FHIT: variants seen among roughly 807,000 people sequenced by gnomAD.
The protein encoded by FHIT is bis(5'-adenosyl)-triphosphatase.
FHIT carries 19 observed loss-of-function variants against 17.9 expected under a neutral mutation model. The observed-to-expected ratio is 1.06, with a 90% CI of 0.74 to 1.56. The LOEUF is 1.56. FHIT is among the 40% of genes most tolerant of loss of function. The pLI is 0.00. For missense variants in FHIT, 248 were observed against 189.2 expected (o/e 1.31, Z -1.82); for synonymous variants, 81 against 69.7 (o/e 1.16, Z -0.81).
chr3:60,696,367 T>C (rs567485115), intron 4 of FHIT, among the ~76,000 whole-genome samples: 46 of 152,272 alleles, frequency 3.0e-4, no homozygotes, highest in Middle Eastern at 3.4e-3. Context: ...TAAACAAAAA[T>C]CTCAATAATT....
At chr3:60,481,011 G>A (rs116687889) in intron 5 of FHIT, among the ~76,000 whole-genome samples, 1,886 of 152,312 alleles carry the variant, frequency 0.012, 35 homozygotes, top group African/African-American at 0.043. Context: ...CCTAGCAGAG[G>A]TTTTCCATGA....
At chr3:60,211,004 T>C (rs1263650848) in intron 5 of FHIT, among the ~76,000 whole-genome samples, 1 of 127,984 alleles carries the variant, frequency 7.8e-6, no homozygotes. Context: ...AAAATGTTTA[T>C]AAATAGGGGA....
intron 2 of FHIT, among the ~76,000 whole-genome samples, chr3:61,150,633 T>TAGC (rs1354849919): frequency 1.1e-4 from 16 of 152,220 alleles, no homozygotes; most frequent in Admixed American, 3.3e-4. Context: ...TTTTACATAA[T>TAGC]AGCTTAAAGT....
intron 4 of FHIT, among the ~76,000 whole-genome samples, chr3:60,575,325 G>A (rs1048884161): frequency 1.1e-4 from 16 of 152,132 alleles, no homozygotes; most frequent in African/African-American, 3.9e-4. Context: ...AATTAGAAAT[G>A]TAAGCTGAGC....
chr3:60,591,829 T>C (rs2038096002), intron 4 of FHIT, among the ~76,000 whole-genome samples: 1 of 152,092 alleles, frequency 6.6e-6, no homozygotes, highest in African/African-American at 2.4e-5. Context: ...GAGAATTGTC[T>C]GGCTCTACCT....
intron 5 of FHIT, among the ~76,000 whole-genome samples, chr3:60,417,464 T>G (rs995214964): frequency 9.8e-5 from 15 of 152,302 alleles, no homozygotes; most frequent in Admixed American, 3.9e-4. Flanking sequence ...CATAAATGTT[T>G]GGATTTGTCT....
intron 5 of FHIT, among the ~76,000 whole-genome samples, chr3:60,314,813 G>A (rs919961788): frequency 1.1e-4 from 16 of 152,170 alleles, no homozygotes; most frequent in East Asian, 7.7e-4. Flanking sequence ...GGCTGGGTGC[G>A]GTGGCTCATG....
At chr3:61,091,936 TAAAAAAAA>T (rs58005720) in intron 2 of FHIT, among the ~76,000 whole-genome samples, 1 of 61,274 alleles carries the variant, frequency 1.6e-5, no homozygotes, top group Non-Finnish European at 2.8e-5. Context: ...AGACCTTGTC[TAAAAAAAA>T]AAAAAAAAAA....
At chr3:60,864,497 C>T (rs1704075325) in intron 3 of FHIT, among the ~76,000 whole-genome samples, 1 of 151,928 alleles carries the variant, frequency 6.6e-6, no homozygotes, top group African/African-American at 2.4e-5. Context: ...ATACCTTCAT[C>T]AAGAAAAGGA....
chr3:60,438,466 C>G (rs1008827558), intron 5 of FHIT, among the ~76,000 whole-genome samples: 1 of 152,044 alleles, frequency 6.6e-6, no homozygotes, highest in Admixed American at 6.6e-5. Context: ...AGCAGCCCAC[C>G]CTGAATTCTC....
intron 8 of FHIT, among the ~76,000 whole-genome samples, chr3:59,775,036 A>G (rs1401130666): frequency 2.6e-5 from 4 of 152,222 alleles, no homozygotes; most frequent in African/African-American, 7.2e-5. Context: ...TCATAGGCAC[A>G]TTAAGGTTTG....
chr3:60,227,799 C>T (rs1232318445), intron 5 of FHIT, among the ~76,000 whole-genome samples: 1 of 152,166 alleles, frequency 6.6e-6, no homozygotes, highest in Non-Finnish European at 1.5e-5. Flanking sequence ...CCCCACATGG[C>T]TTCCAACTCC....
At chr3:60,682,125 C>G (rs1323082899) in intron 4 of FHIT, among the ~76,000 whole-genome samples, 2 of 152,138 alleles carry the variant, frequency 1.3e-5, no homozygotes, top group Non-Finnish European at 2.9e-5. Context: ...GTGCCCACCA[C>G]TACGCCCTGC....
chr3:60,424,466 G>C (rs886686460), intron 5 of FHIT, among the ~76,000 whole-genome samples: 2 of 152,104 alleles, frequency 1.3e-5, no homozygotes, highest in African/African-American at 2.4e-5. Flanking sequence ...AGTCAGAAAT[G>C]CATCTCCACT....
chr3:59,837,190 G>A (rs1407453617), intron 8 of FHIT, among the ~76,000 whole-genome samples: 8 of 152,186 alleles, frequency 5.3e-5, no homozygotes, highest in Admixed American at 5.2e-4. Context: ...TTAATTTTAA[G>A]TCACCTTTCC....
intron 4 of FHIT, among the ~76,000 whole-genome samples, chr3:60,652,314 C>T (rs1459543041): frequency 2.0e-5 from 3 of 152,156 alleles, no homozygotes; most frequent in Non-Finnish European, 4.4e-5. Flanking sequence ...TAAAACCTCA[C>T]TCTAGGCCAG....
intron 5 of FHIT, among the ~76,000 whole-genome samples, chr3:60,354,645 T>C (rs1699567182): frequency 6.6e-6 from 1 of 152,114 alleles, no homozygotes; most frequent in South Asian, 2.1e-4. Context: ...AGAGTGAATA[T>C]AAAAAACAAT....
intron 4 of FHIT, among the ~76,000 whole-genome samples, chr3:60,663,802 G>T (rs2040319221): frequency 1.3e-5 from 2 of 151,998 alleles, no homozygotes; most frequent in South Asian, 4.1e-4. Context: ...TTTGATATTG[G>T]TTCCTACACA....
intron 7 of FHIT, among the ~76,000 whole-genome samples, chr3:59,971,105 G>A (rs577368238): frequency 6.8e-4 from 103 of 151,992 alleles, no homozygotes; most frequent in African/African-American, 2.1e-3. Context: ...TTTTAACACC[G>A]TAATGCCACA....
Sources: allele counts gnomAD v4.1 joint callset (sites outside exome capture counted in the v4.1 genomes callset), GRCh38; gene constraint gnomAD v4.1.1; transcripts MANE v1.5; gene names NCBI Gene and HGNC (gene_info 2026-07-23, HGNC 2026-07-21).